The following PLGRKT variants were observed in gnomAD, a reference collection of about 807,000 sequenced individuals.
The protein encoded by PLGRKT is plasminogen receptor with a C-terminal lysine, also known as plasminogen receptor (KT).
PLGRKT carries 22 observed loss-of-function variants against 18.5 expected under a neutral mutation model. That is an observed-to-expected ratio of 1.19 (90% CI 0.85 to 1.70). The LOEUF is 1.70. PLGRKT is among the 40% of genes most tolerant of loss of function. PLGRKT has a pLI of 0.00. For missense variants in PLGRKT, 235 were observed against 174.4 expected, an observed-to-expected ratio of 1.35 and a Z score of -1.96; for synonymous variants, 72 against 52.8, an observed-to-expected ratio of 1.36 and a Z score of -1.58.
At chr9:5,387,673 G>C (rs1040776451) in intron 3 of PLGRKT, among the ~76,000 whole-genome samples, 129 of 151,920 alleles carry the variant, frequency 8.5e-4, no homozygotes, top group Non-Finnish European at 1.5e-3. Flanking sequence ...CTCCTGCGGG[G>C]GGGCTGGGAA....
chr9:5,395,811 CA>C (rs5896117), intron 3 of PLGRKT, among the ~76,000 whole-genome samples: 52,562 of 142,982 alleles, frequency 0.37, 10,716 homozygotes, highest in African/African-American at 0.55. Flanking sequence ...GAAACATTGA[CA>C]AAAAAAAAGG....
Position 5,418,537 on chromosome 9 carries a change from TG to T in PLGRKT, c.81+13359del. The T allele has an allele frequency of 3.3e-6, 3 of 897,844 alleles. No individual in the cohort carries two copies. The highest frequency in any genetic ancestry group is 5.3e-5 in the East Asian group (2 of 37,672). The allele number at this position is 897,844 out of a possible 1,614,324, so 55.6% of individuals were successfully genotyped here. ...GTCCTGCTCCTCCTCCGCCACCCCC[TG>T]GGGAGCCCTGCCTTGCAGAGGCTGC... On this transcript the variant is annotated intron_variant, in intron 3 of 5. Transcript: ENST00000223864. The surrounding 1 kb of genome is among the most constrained non-coding windows in gnomAD (Gnocchi z 4.2).
At chr9:5,405,131 A>G (rs1341148047) in intron 3 of PLGRKT, among the ~76,000 whole-genome samples, 1 of 151,778 alleles carries the variant, frequency 6.6e-6, no homozygotes, top group Non-Finnish European at 1.5e-5. Flanking sequence ...ATCAGAGAGG[A>G]CACAAGCAGA....
chr9:5,369,041 G>A (rs1817458371), intron 3 of PLGRKT, among the ~76,000 whole-genome samples: 1 of 152,154 alleles, frequency 6.6e-6, no homozygotes, highest in Admixed American at 6.5e-5. Context: ...CAGGACATAG[G>A]CATGGGCAAG....
chr9:5,415,506 CAA>C (rs1477515751), intron 3 of PLGRKT, among the ~76,000 whole-genome samples: 1 of 152,060 alleles, frequency 6.6e-6, no homozygotes, highest in African/African-American at 2.4e-5. Flanking sequence ...AGAATATTAA[CAA>C]AGTCTCAAAG....
chr9:5,380,159 T>C (rs1025055726), intron 3 of PLGRKT, among the ~76,000 whole-genome samples: 3 of 151,874 alleles, frequency 2.0e-5, no homozygotes, highest in East Asian at 3.9e-4. Context: ...GGTCAGGAGA[T>C]TGAGATCATC....
intron 3 of PLGRKT, among the ~76,000 whole-genome samples, chr9:5,384,708 G>C (rs1200447050): frequency 6.6e-6 from 1 of 151,916 alleles, no homozygotes; most frequent in Non-Finnish European, 1.5e-5. Flanking sequence ...AGGTTAAATT[G>C]GGTCATAAGT....
chr9:5,359,326 A>G (rs957691299), intron 5 of PLGRKT, among the ~76,000 whole-genome samples: 2 of 152,180 alleles, frequency 1.3e-5, no homozygotes, highest in Non-Finnish European at 2.9e-5. Flanking sequence ...CTGGGATTAC[A>G]GGTGTGAGCC....
At chr9:5,393,526 A>C (rs996972133) in intron 3 of PLGRKT, among the ~76,000 whole-genome samples, 6 of 151,892 alleles carry the variant, frequency 4.0e-5, no homozygotes, top group African/African-American at 1.5e-4. Flanking sequence ...AAGGTCTCTC[A>C]ACATTAGTCA....
chr9:5,400,810 A>G (rs1818139727), intron 3 of PLGRKT, among the ~76,000 whole-genome samples: 1 of 151,984 alleles, frequency 6.6e-6, no homozygotes, highest in Non-Finnish European at 1.5e-5. Context: ...AAATGTGAAG[A>G]CGCAAATTAG....
rs772012691 is a variant in PLGRKT, at chr9:5,400,247, C to T, written c.81+31650G>A. Among the ~76,000 whole-genome samples the T allele has an allele frequency of 3.7e-4, 56 of 151,800 alleles. 1 individual carries two copies. Among genetic ancestry groups the T allele is most frequent in the Non-Finnish European group, 6.8e-4 (46 of 68,032 alleles). On this transcript the variant is annotated intron_variant, in intron 3 of 5. Transcript: ENST00000223864. ...AGAGGAAAATTACGCATAATCCCCA[C>T]TCAATATAACTTCTAATACTCAAAG... is the stretch of plus-strand genomic sequence containing the variant.
chr9:5,433,899 C>G (rs1332766427), intron 2 of PLGRKT, among the ~76,000 whole-genome samples: 1 of 149,652 alleles, frequency 6.7e-6, no homozygotes, highest in African/African-American at 2.5e-5. Flanking sequence ...TGAGGAGCGC[C>G]TCTGCCCGGC....
At position 5,418,638 on chromosome 9, in the gene PLGRKT, G is replaced by A. The variant is rs145401342; in HGVS notation, c.81+13259C>T. The A allele has an allele frequency of 6.7e-4, 465 of 698,394 alleles. 1 individual carries two copies. The African/African-American group carries it at 6.9e-3, about 10-fold the overall frequency. The allele number at this position is 698,394 out of a possible 1,614,324, so 43.3% of individuals were successfully genotyped here. A position where few individuals can be genotyped will look rare whatever the true frequency, so the allele number is the denominator to read the frequency against. ...GCAGCAGGTGGCGGCTCATATCTCC[G>A]GGCAGCAGCGCGTGCTCCTTGGAGA... On this transcript the variant is annotated intron_variant, in intron 3 of 5. Transcript: ENST00000223864. The surrounding 1 kb of genome is among the most constrained non-coding windows in gnomAD (Gnocchi z 4.2).
chr9:5,371,443 C>T (rs1049075356), intron 3 of PLGRKT, among the ~76,000 whole-genome samples: 2 of 152,168 alleles, frequency 1.3e-5, no homozygotes, highest in Admixed American at 6.5e-5. Context: ...CTCATGACAG[C>T]GAATAACTCT....
At chr9:5,405,731 C>T (rs1012068989) in intron 3 of PLGRKT, among the ~76,000 whole-genome samples, 1 of 152,088 alleles carries the variant, frequency 6.6e-6, no homozygotes, top group Non-Finnish European at 1.5e-5. Flanking sequence ...CCAAAGGCAA[C>T]TGCAACAAAA....
chr9:5,390,704 TCA>T (rs1480868561), intron 3 of PLGRKT, among the ~76,000 whole-genome samples: 1 of 151,838 alleles, frequency 6.6e-6, no homozygotes, highest in African/African-American at 2.4e-5. Flanking sequence ...ATGTACCCAG[TCA>T]CTCCTACCTT....
intron 3 of PLGRKT, among the ~76,000 whole-genome samples, chr9:5,362,978 G>C (rs1005055106): frequency 1.3e-5 from 2 of 152,092 alleles, no homozygotes; most frequent in African/African-American, 2.4e-5. Context: ...ACACCTAAGA[G>C]AGGCCGCTTC....
At chr9:5,431,240 C>G (rs1818815648) in intron 3 of PLGRKT, among the ~76,000 whole-genome samples, 1 of 152,128 alleles carries the variant, frequency 6.6e-6, no homozygotes, top group Admixed American at 6.5e-5. Context: ...CCTTCTTTCT[C>G]TTATAAAGAC....
rs1032608523 is a variant in PLGRKT at position 5,358,050 on chromosome 9, T to A, written c.*189A>T. ...ACAGAGAGAGGAAATCTAAAAGTTA[T>A]TTAGAGCACCTCCATGATTTTGTGT... On this transcript the variant is annotated 3_prime_UTR_variant, in exon 6 of 6. Coordinates refer to ENST00000223864, the MANE Select transcript of PLGRKT (RefSeq NM_018465.4). The A allele has an allele frequency of 4.4e-6, 2 of 453,430 alleles. No homozygotes were observed. The highest frequency in any genetic ancestry group is 6.9e-5 in the East Asian group (2 of 28,892). 28.1% of individuals were successfully genotyped at this position (453,430 alleles called of 1,614,324 possible). A position where few individuals can be genotyped will look rare whatever the true frequency, so the allele number is the denominator to read the frequency against.
Sources: gnomAD v4.1 joint callset for allele counts (sites outside exome capture counted in the v4.1 genomes callset) on GRCh38, gnomAD v4.1.1 for gene constraint, Gnocchi (gnomAD v3.1) non-coding constraint, MANE v1.5 for transcripts, NCBI Gene and HGNC (gene_info 2026-07-23, HGNC 2026-07-21) for gene names.